Variants in LHX8 observed in about 807,000 individuals in gnomAD.
The protein encoded by LHX8 is LIM/homeobox protein Lhx8.
In LHX8, 12 loss-of-function variants were observed where a neutral mutation model predicts 40.3. The ratio of observed to expected loss-of-function variants is 0.30; its 90% CI spans 0.19 to 0.48. The LOEUF is 0.48. Among genes scored for constraint, LHX8 ranks in the 20% least tolerant of loss-of-function variants. LHX8 has a pLI of 0.99. For synonymous variants in LHX8, 179 were observed against 162.0 expected, an observed-to-expected ratio of 1.10 and a Z score of -0.80; for missense variants, 344 against 433.7, an observed-to-expected ratio of 0.79 and a Z score of 1.84.
chr1:75,143,810 A>G (rs767340594), intron 5 of LHX8, 35 bp from the exon 6 acceptor site: 1 of 1,502,528 alleles, frequency 6.7e-7, no homozygotes, highest in Non-Finnish European at 9.3e-7. Context: ...ACCCATTTGA[A>G]TTACCAACAT....
chr1:75,195,465 TACTG>T, the LHX8 span, among the ~76,000 whole-genome samples: 2 of 152,144 alleles, frequency 1.3e-5, no homozygotes, highest in East Asian at 3.9e-4. Flanking sequence ...CCTTATGGGT[TACTG>T]ACTTTTTTTC....
At chr1:75,154,871 A>G (rs1032326035) in intron 7 of LHX8, among the ~76,000 whole-genome samples, 5 of 152,186 alleles carry the variant, frequency 3.3e-5, no homozygotes, top group African/African-American at 1.2e-4. Context: ...ATACCCCACT[A>G]GATTATTAAT....
At chr1:75,192,016 T>C in the LHX8 span, among the ~76,000 whole-genome samples, 3,337 of 152,294 alleles carry the variant, frequency 0.022, 108 homozygotes, top group African/African-American at 0.068. Context: ...ATTTGAATCC[T>C]ATCTCCACCA....
rs1403623969 is a variant in LHX8 at position 75,161,307 on chromosome 1, T to G, written c.*412T>G. 1 of 194,604 alleles carries G rather than the reference T, an allele frequency of 5.1e-6. No homozygotes were observed. The highest frequency in any genetic ancestry group is 5.5e-5 in the Admixed American group (1 of 18,050). The allele number at this position is 194,604 out of a possible 1,614,324, so 12.1% of individuals were successfully genotyped here. On this transcript the variant is annotated 3_prime_UTR_variant, in exon 9 of 9. Transcript: ENST00000356261. ...TGTAATAAATATTACCTGTATTTTT[T>G]GTTATATACAACTTTATACTTTGAA...
At chr1:75,166,808 G>A in the LHX8 span, among the ~76,000 whole-genome samples, 3 of 152,338 alleles carry the variant, frequency 2.0e-5, no homozygotes, top group South Asian at 6.2e-4. Context: ...ACCAAGGTGG[G>A]AGAAGGATCG....
intron 4 of LHX8, among the ~76,000 whole-genome samples, chr1:75,141,962 G>A (rs1379721860): frequency 6.6e-6 from 1 of 151,952 alleles, no homozygotes; most frequent in Admixed American, 6.6e-5. Context: ...AAATTGCTAG[G>A]TAACTTAAAG....
intron 7 of LHX8, among the ~76,000 whole-genome samples, chr1:75,153,656 A>G (rs1648675858): frequency 2.6e-5 from 4 of 151,842 alleles, no homozygotes; most frequent in South Asian, 2.1e-4. Flanking sequence ...GTGATCTGCC[A>G]CCTCGGCCTC....
the LHX8 span, among the ~76,000 whole-genome samples, chr1:75,195,683 T>C: frequency 5.3e-5 from 8 of 152,084 alleles, no homozygotes; most frequent in Non-Finnish European, 1.0e-4. Context: ...CATCAACAAT[T>C]GCATGCTGTG....
Position 75,143,270 on chromosome 1 carries a change from A to C in LHX8, c.512A>C (p.Glu171Ala). Residue 171 changes from glutamate to alanine, a missense_variant, in exon 5 of 9, where the codon GAA becomes GCA. Glu to Ala is a moderately radical substitution (Grantham distance 107, BLOSUM62 -1). Coordinates refer to ENST00000356261, the MANE Select transcript of LHX8 (RefSeq NM_001256114.2). ...ACAGGAGAGGAGTTTGCTTTGGTGG[A>C]AGAGAAAGTCCTCTGCAGAGTACAT... Reference protein sequence around the residue: ...LSTGEEFALVEEKVLCRVHYD... With the variant: ...LSTGEEFALVAEKVLCRVHYD... The C allele has an allele frequency of 6.2e-7, 1 of 1,613,860 alleles. No individual in the cohort carries two copies. Among genetic ancestry groups the C allele is most frequent in the Non-Finnish European group, 8.5e-7 (1 of 1,179,766 alleles).
chr1:75,197,595 CTAATT>C, the LHX8 span, among the ~76,000 whole-genome samples: 298 of 152,212 alleles, frequency 2.0e-3, no homozygotes, highest in African/African-American at 6.5e-3. Context: ...TCACCAAAAG[CTAATT>C]TAGGACTCAC....
intron 7 of LHX8, among the ~76,000 whole-genome samples, chr1:75,150,247 A>C (rs1399243898): frequency 6.6e-6 from 1 of 152,208 alleles, no homozygotes; most frequent in African/African-American, 2.4e-5. Context: ...CAAAAAAGTC[A>C]GTGACTTATA....
At chr1:75,151,778 T>C (rs1472722668) in intron 7 of LHX8, among the ~76,000 whole-genome samples, 1 of 152,180 alleles carries the variant, frequency 6.6e-6, no homozygotes, top group Non-Finnish European at 1.5e-5. Context: ...TTATATCATT[T>C]TGAAGTTGGA....
intron 3 of LHX8, among the ~76,000 whole-genome samples, chr1:75,137,803 A>C (rs1648197072): frequency 6.6e-6 from 1 of 152,198 alleles, no homozygotes. Context: ...TTTCTGGACA[A>C]ATTTTAAAAA....
chr1:75,150,747 G>C lies in LHX8; in HGVS notation c.780+2065G>C, dbSNP rs1016125433. On this transcript the variant is annotated intron_variant, in intron 7 of 8. Transcript: ENST00000356261. ...GCTGGAGTGCAGTGGTGTGATCTCG[G>C]CTCACTGGAACCTCCGCCTCCCGGG... Among the ~76,000 whole-genome samples the C allele has an allele frequency of 2.0e-5, 3 of 151,270 alleles. No homozygotes were observed. The East Asian group carries it at 5.8e-4, about 29-fold the overall frequency.
chr1:75,166,344 C>T (rs182087580), downstream of LHX8, among the ~76,000 whole-genome samples: 5 of 152,278 alleles, frequency 3.3e-5, no homozygotes, highest in Admixed American at 3.3e-4. Flanking sequence ...AGAGGTGTGA[C>T]CTTCTGTGAT....
intron 7 of LHX8, among the ~76,000 whole-genome samples, chr1:75,153,458 G>T (rs1373478447): frequency 2.0e-5 from 3 of 151,216 alleles, no homozygotes; most frequent in African/African-American, 7.3e-5. Flanking sequence ...TGTTGCCCAG[G>T]CTAGAGTGCA....
intron 7 of LHX8, among the ~76,000 whole-genome samples, chr1:75,152,607 C>A (rs1054372882): frequency 2.0e-5 from 3 of 152,168 alleles, no homozygotes; most frequent in African/African-American, 7.2e-5. Context: ...ATCTACCTTG[C>A]GTGCTTGTTC....
At chr1:75,182,666 C>T in the LHX8 span, among the ~76,000 whole-genome samples, 1 of 152,214 alleles carries the variant, frequency 6.6e-6, no homozygotes. Context: ...AGCCACTGCG[C>T]TCCGCCTTAC....
intron 7 of LHX8, among the ~76,000 whole-genome samples, chr1:75,149,685 C>T (rs920473769): frequency 3.3e-5 from 5 of 152,104 alleles, no homozygotes; most frequent in African/African-American, 1.2e-4. Flanking sequence ...ATAACTGGGA[C>T]CACAGTTGCA....
Sources: gnomAD v4.1 joint callset for allele counts (sites outside exome capture counted in the v4.1 genomes callset) on GRCh38, gnomAD v4.1.1 for gene constraint, MANE v1.5 for transcripts, NCBI Gene and HGNC (gene_info 2026-07-23, HGNC 2026-07-21) for gene names.